Variants in VSTM2A observed in about 807,000 individuals in gnomAD.
The protein encoded by VSTM2A is V-set and transmembrane domain-containing protein 2A.
In VSTM2A, 13 loss-of-function variants were observed where a neutral mutation model predicts 27.3. The ratio of observed to expected loss-of-function variants is 0.48; its 90% confidence interval spans 0.31 to 0.76. The LOEUF is 0.76. Ranked by LOEUF, VSTM2A falls within the 30% of genes least tolerant of loss-of-function variation. The pLI, the probability that VSTM2A is intolerant of heterozygous loss-of-function variation, is 0.05. For missense variants in VSTM2A, 280 were observed against 310.0 expected (o/e 0.90, Z 0.73); for synonymous variants, 142 against 125.7 (o/e 1.13, Z -0.87).
At chr7:54,547,140 T>A in intron 3 of VSTM2A, 143 bp downstream of exon 3, 1 of 791,996 alleles carries the variant, frequency 1.3e-6, no homozygotes, top group Non-Finnish European at 1.9e-6. Context: ...TACATACAAA[T>A]GGAAGCACAT....
intron 4 of VSTM2A, among the ~76,000 whole-genome samples, chr7:54,564,296 TG>T (rs1452954858): frequency 6.6e-6 from 1 of 151,972 alleles, no homozygotes; most frequent in Non-Finnish European, 1.5e-5. Flanking sequence ...GGGTGACGAG[TG>T]GGGGTAGAAA....
At chr7:54,560,267 A>T (rs1032851547) in intron 4 of VSTM2A, among the ~76,000 whole-genome samples, 3 of 152,136 alleles carry the variant, frequency 2.0e-5, no homozygotes, top group African/African-American at 7.2e-5. Context: ...AATGGTCGGT[A>T]CTCAGAAATT....
At chr7:54,565,576 G>T (rs999238367) in intron 4 of VSTM2A, among the ~76,000 whole-genome samples, 1 of 152,190 alleles carries the variant, frequency 6.6e-6, no homozygotes, top group Non-Finnish European at 1.5e-5. Context: ...AGGGCAAGAG[G>T]CACGAGAACA....
At chr7:54,567,343 C>G (rs1246086366) in intron 4 of VSTM2A, among the ~76,000 whole-genome samples, 1 of 152,126 alleles carries the variant, frequency 6.6e-6, no homozygotes, top group Non-Finnish European at 1.5e-5. Flanking sequence ...TGTTAGTAGC[C>G]TCAAAATATT....
At position 54,546,808 on chromosome 7, in the gene VSTM2A, G is replaced by T. The variant is rs983882519; in HGVS notation, c.247-139G>T. On this transcript the variant is annotated intron_variant, in intron 2 of 4. Coordinates refer to ENST00000402613, the MANE Select transcript of VSTM2A (RefSeq NM_001301009.2). Reference sequence around the variant, plus strand: ...GCGGTGCGGTCTGGGCCTGGACAGGGGTGGCCACGCCCCTGGTCGCTCCCC... The same window carrying T: ...GCGGTGCGGTCTGGGCCTGGACAGGTGTGGCCACGCCCCTGGTCGCTCCCC... 5 of 1,079,580 alleles carry T rather than the reference G, an allele frequency of 4.6e-6. No individual in the cohort carries two copies. In the Admixed American group the frequency reaches 1.0e-4, roughly 22 times the overall value. The allele number at this position is 1,079,580 out of a possible 1,614,324, so 66.9% of individuals were successfully genotyped here.
At chr7:54,568,040 T>G (rs1318513831) in intron 4 of VSTM2A, among the ~76,000 whole-genome samples, 1 of 152,212 alleles carries the variant, frequency 6.6e-6, no homozygotes, top group Non-Finnish European at 1.5e-5. Context: ...TGTGAGGAGA[T>G]ACTGTATACT....
At chr7:54,554,397 T>C (rs1025913257) in intron 4 of VSTM2A, among the ~76,000 whole-genome samples, 11 of 152,178 alleles carry the variant, frequency 7.2e-5, no homozygotes, top group African/African-American at 1.9e-4. Flanking sequence ...TCTTAGGAAA[T>C]TGTTCGAGTC....
At chr7:54,563,699 T>C (rs1371629804) in intron 4 of VSTM2A, among the ~76,000 whole-genome samples, 1 of 152,106 alleles carries the variant, frequency 6.6e-6, no homozygotes, top group Non-Finnish European at 1.5e-5. Context: ...GTACTCTCCC[T>C]CAGCTACGGT....
chr7:54,555,768 A>G (rs532584572), intron 4 of VSTM2A, among the ~76,000 whole-genome samples: 1 of 152,162 alleles, frequency 6.6e-6, no homozygotes, highest in Non-Finnish European at 1.5e-5. Context: ...AGTGGGGCTC[A>G]TGTTATTATT....
At chr7:54,568,853 A>T (rs780798899) in intron 4 of VSTM2A, among the ~76,000 whole-genome samples, 1 of 152,164 alleles carries the variant, frequency 6.6e-6, no homozygotes, top group African/African-American at 2.4e-5. Context: ...AATCCTTTGT[A>T]TGTGTTGTTG....
intron 2 of VSTM2A, 66 bp from the exon 3 acceptor site, chr7:54,546,881 G>A: frequency 6.3e-7 from 1 of 1,589,368 alleles, no homozygotes; most frequent in Non-Finnish European, 8.5e-7. Flanking sequence ...CGAAGGCTAT[G>A]CTCGCGTGGG....
chr7:54,555,496 C>G (rs1788326574), intron 4 of VSTM2A, among the ~76,000 whole-genome samples: 1 of 152,168 alleles, frequency 6.6e-6, no homozygotes, highest in African/African-American at 2.4e-5. Context: ...TGAGTTCCTA[C>G]AAAAATGCAA....
Position 54,546,988 on chromosome 7 carries a change from C to A in VSTM2A, c.288C>A (p.Thr96=). ...ACAGAGACCCGGACAGCGACGGGAC[C>A]AAGATCAGCGTGAGTGCGGGGCGCG... ...LPDRDPDSDG[T]KISTVKVQGN... The change falls in exon 3 of 5, where the codon ACC becomes ACA. Residue 96 remains threonine, a synonymous_variant. Transcript: ENST00000402613. The A allele has an allele frequency of 6.3e-7, 1 of 1,582,844 alleles. No homozygotes were observed. The highest frequency in any genetic ancestry group is 8.6e-7 in the Non-Finnish European group (1 of 1,169,272).
chr7:54,549,809 G>GT lies in VSTM2A; in HGVS notation c.298-17dup, dbSNP rs200079019. 2.3e-3 allele frequency: 3,603 copies of GT among 1,545,214 alleles called. 12 individuals are homozygous for GT. The highest frequency in any genetic ancestry group is 2.7e-3 in the Non-Finnish European group (3,147 of 1,147,222). On this transcript the variant is annotated intron_variant, in intron 3 of 4. Transcript: ENST00000402613. ...AAATCATTTGATGTAGCACTTTATT[G>GT]TTTTTTTTACCTGCAATTTTTCAGA...
chr7:54,546,816 C>G (rs1788007497), intron 2 of VSTM2A, 131 bp from the exon 3 acceptor site: 1 of 1,078,802 alleles, frequency 9.3e-7, no homozygotes. Context: ...GGGGTGGCCA[C>G]GCCCCTGGTC....
At chr7:54,566,406 A>AG (rs5884380) in intron 4 of VSTM2A, among the ~76,000 whole-genome samples, 7,141 of 152,286 alleles carry the variant, frequency 0.047, 435 homozygotes, top group African/African-American at 0.13. Flanking sequence ...ATAATCAGTG[A>AG]GGTGAGATAC....
chr7:54,568,292 T>C (rs988695912), intron 4 of VSTM2A, among the ~76,000 whole-genome samples: 19 of 152,308 alleles, frequency 1.2e-4, no homozygotes, highest in Middle Eastern at 3.4e-3. Context: ...CTTACCCCCT[T>C]CGAACACATT....
intron 3 of VSTM2A, 74 bp downstream of exon 3, chr7:54,547,071 G>A: frequency 6.7e-7 from 1 of 1,481,738 alleles, no homozygotes; most frequent in Admixed American, 2.2e-5. Context: ...CCGAGAAGGC[G>A]GCTTGCCAGC....
chr7:54,546,081 G>A (rs1787953884), intron 2 of VSTM2A: 1 of 142,760 alleles, frequency 7.0e-6, no homozygotes, highest in South Asian at 2.4e-4. Flanking sequence ...GAAAAGGAGA[G>A]ACGGAGGGAG....
Sources: allele counts gnomAD v4.1 joint callset (sites outside exome capture counted in the v4.1 genomes callset), GRCh38; gene constraint gnomAD v4.1.1; transcripts MANE v1.5; gene names NCBI Gene and HGNC (gene_info 2026-07-23, HGNC 2026-07-21).